ZRSR2: variants seen among roughly 807,000 people sequenced by gnomAD.
The protein encoded by ZRSR2 is zinc finger CCCH-type, RNA binding motif and serine/arginine rich 2.
In ZRSR2, 3 loss-of-function variants were observed where a neutral mutation model predicts 39.4. The observed-to-expected ratio is 0.08, with a 90% CI of 0.03 to 0.20. The LOEUF is 0.20. ZRSR2 is among the 10% of genes least tolerant of loss of function. ZRSR2 has a pLI of 1.00. For synonymous variants in ZRSR2, 137 were observed against 136.0 expected (o/e 1.01, Z -0.05); for missense variants, 256 against 391.5 (o/e 0.65, Z 2.92).
At chrX:15,814,943 G>A (rs981343806) in intron 7 of ZRSR2, among the ~76,000 whole-genome samples, 4 of 112,129 alleles carry the variant, frequency 3.6e-5, no homozygotes, top group Non-Finnish European at 7.5e-5. Flanking sequence ...GTCCACTGAC[G>A]ATTGTACAGA....
intron 1 of ZRSR2, 81 bp from the exon 2 acceptor site, chrX:15,790,853 C>A: frequency 1.0e-6 from 1 of 956,633 alleles, no homozygotes; most frequent in Non-Finnish European, 1.5e-6. Flanking sequence ...TATTTCCTTT[C>A]ATTGGGCACA....
chrX:15,796,237 T>C (rs1205105872), intron 2 of ZRSR2, among the ~76,000 whole-genome samples: 1 of 111,984 alleles, frequency 8.9e-6, no homozygotes, highest in Non-Finnish European at 1.9e-5. Context: ...CCAGCATCGC[T>C]AGTCGCACTT....
rs1425197107 is a variant in ZRSR2 at position 15,799,918 on chromosome X, A to G, written c.168A>G (p.Gln56=). 8.3e-7 allele frequency: 1 copy of G among 1,202,990 alleles called. No individual in the cohort carries two copies. The highest frequency in any genetic ancestry group is 2.2e-5 in the Admixed American group (1 of 45,413). Residue 56 remains glutamine, a synonymous_variant, in exon 3 of 11, where the codon CAA becomes CAG. Transcript: ENST00000307771. ...AGGAGGACACTTTTATTGAAGAACA[A>G]CAACTAGAAGAAGAGAAGCTATTGG... ...EEEEDTFIEE[Q]QLEEEKLLER...
chrX:15,797,234 G>T (rs1475921663), intron 2 of ZRSR2, among the ~76,000 whole-genome samples: 6 of 102,051 alleles, frequency 5.9e-5, no homozygotes, highest in African/African-American at 1.8e-4. Context: ...TTTTGAGACG[G>T]TGTTTTGCTC....
At chrX:15,816,463 C>G (rs901677979) in intron 8 of ZRSR2, among the ~76,000 whole-genome samples, 1 of 111,937 alleles carries the variant, frequency 8.9e-6, no homozygotes, top group African/African-American at 3.3e-5. Context: ...TGGATTCTTT[C>G]AATACTGAAT....
chrX:15,820,074 ACT>A, intron 9 of ZRSR2, 131 bp from the exon 10 acceptor site: 1 of 558,150 alleles, frequency 1.8e-6, no homozygotes, highest in Admixed American at 3.5e-5. Flanking sequence ...CATTTTAATG[ACT>A]CTTCCCTAGG....
chrX:15,790,873 G>C, intron 1 of ZRSR2, 61 bp from the exon 2 acceptor site: 1 of 1,063,194 alleles, frequency 9.4e-7, no homozygotes, highest in East Asian at 3.0e-5. Context: ...AGAGGAGCGG[G>C]GAGCTCGGGC....
At chrX:15,821,963 A>G (rs945314739) in intron 10 of ZRSR2, among the ~76,000 whole-genome samples, 1 of 110,974 alleles carries the variant, frequency 9.0e-6, no homozygotes, top group Non-Finnish European at 1.9e-5. Flanking sequence ...AAGTTTAAAG[A>G]AAATATAGAC....
intron 7 of ZRSR2, among the ~76,000 whole-genome samples, chrX:15,812,163 T>C (rs1307942198): frequency 9.0e-6 from 1 of 111,143 alleles, no homozygotes; most frequent in Non-Finnish European, 1.9e-5. Context: ...TCTCCTGACC[T>C]TGTGATCCGC....
intron 7 of ZRSR2, among the ~76,000 whole-genome samples, chrX:15,810,921 AAAT>A (rs1195135486): frequency 1.0e-4 from 11 of 107,635 alleles, no homozygotes; most frequent in Non-Finnish European, 1.9e-4. Flanking sequence ...TTATATAAAT[AAAT>A]AATAAGAATA....
chrX:15,790,780 T>C (rs761467256), intron 1 of ZRSR2, 154 bp from the exon 2 acceptor site: 554 of 596,606 alleles, frequency 9.3e-4, no homozygotes, highest in Non-Finnish European at 1.4e-3. Flanking sequence ...GATGAGGCGA[T>C]GATAGATGGC....
intron 5 of ZRSR2, among the ~76,000 whole-genome samples, chrX:15,805,792 G>A (rs749136342): frequency 1.8e-5 from 2 of 110,035 alleles, no homozygotes; most frequent in Non-Finnish European, 3.8e-5. Flanking sequence ...TTAGCCAGGC[G>A]TGGTGATGGG....
At chrX:15,816,389 C>G (rs1932976837) in intron 8 of ZRSR2, among the ~76,000 whole-genome samples, 1 of 111,981 alleles carries the variant, frequency 8.9e-6, no homozygotes, top group Non-Finnish European at 1.9e-5. Flanking sequence ...TGGAGCCACA[C>G]AGGAACATAA....
intron 2 of ZRSR2, among the ~76,000 whole-genome samples, chrX:15,797,303 C>T (rs1261326154): frequency 3.7e-5 from 4 of 106,909 alleles, no homozygotes; most frequent in Non-Finnish European, 5.8e-5. Context: ...CTCCACCTCC[C>T]GGGTTCAAGC....
chrX:15,802,443 ACACT>A (rs1932700405), intron 3 of ZRSR2, among the ~76,000 whole-genome samples: 1 of 112,265 alleles, frequency 8.9e-6, no homozygotes, highest in East Asian at 2.8e-4. Context: ...AATAGACTAG[ACACT>A]CACTAATTTA....
At chrX:15,795,986 T>C (rs1601807012) in intron 2 of ZRSR2, among the ~76,000 whole-genome samples, 2 of 111,225 alleles carry the variant, frequency 1.8e-5, no homozygotes, top group African/African-American at 6.5e-5. Flanking sequence ...CTGGGCGTCC[T>C]ATTCACGCAG....
At chrX:15,817,414 T>G (rs1480139475) in intron 8 of ZRSR2, among the ~76,000 whole-genome samples, 1 of 111,761 alleles carries the variant, frequency 8.9e-6, no homozygotes, top group African/African-American at 3.3e-5. Flanking sequence ...ATAGATTCAT[T>G]TTGAACATAA....
chrX:15,815,786 G>A lies in ZRSR2; in HGVS notation c.667G>A (p.Ala223Thr), dbSNP rs1392977402. The A allele has an allele frequency of 5.8e-6, 7 of 1,209,505 alleles. No homozygotes were observed. The highest frequency in any genetic ancestry group is 2.2e-5 in the Admixed American group (1 of 45,760). Reference protein sequence around the residue: ...QCRRDDYDPDASLEYSEEETY... With the variant: ...QCRRDDYDPDTSLEYSEEETY... ...CAGGAGGGATGACTATGACCCTGAC[G>A]CAAGCCTGGAGTACAGCGAGGAAGA... Residue 223 changes from alanine (A) to threonine (T), a missense_variant, in exon 8 of 11, where the codon GCA becomes ACA. Physicochemically the swap from Ala to Thr is moderately conservative, Grantham distance 58. Coordinates refer to ENST00000307771, the MANE Select transcript of ZRSR2 (RefSeq NM_005089.4).
At position 15,800,312 on chromosome X, in the gene ZRSR2, G is replaced by GAGT. The variant is rs776498706; in HGVS notation, c.203+362_203+364dup. 7.7e-4 allele frequency among the ~76,000 whole-genome samples: 82 copies of GAGT among 105,964 alleles called. 1 individual carries two copies. The East Asian group carries it at 0.012, about 16-fold the overall frequency. 92.0% of individuals were successfully genotyped at this position (105,964 alleles called of 115,157 possible). A position where few individuals can be genotyped will look rare whatever the true frequency, so the allele number is the denominator to read the frequency against. On this transcript the variant is annotated intron_variant, in intron 3 of 10. Transcript: ENST00000307771. ...AGCGATTCTCCTGCCTCAGCCTTCC[G>GAGT]AGTAGCTGGGACAACAGGTGTGCAC...
Sources: gnomAD v4.1 joint callset for allele counts (sites outside exome capture counted in the v4.1 genomes callset) on GRCh38, gnomAD v4.1.1 for gene constraint, MANE v1.5 for transcripts, NCBI Gene and HGNC (gene_info 2026-07-23, HGNC 2026-07-21) for gene names.